The following TIPIN variants were observed in gnomAD, a reference collection of about 807,000 sequenced individuals.
TIPIN encodes the protein TIMELESS interacting protein, also known as TIMELESS-interacting protein.
TIPIN carries 29 observed loss-of-function variants against 35.6 expected under a neutral mutation model. That is an observed-to-expected ratio of 0.82 (90% CI 0.61 to 1.11). The LOEUF (loss-of-function observed/expected upper bound fraction) is 1.11. Among genes scored for constraint, TIPIN ranks in the 50% most tolerant of loss-of-function variants. The probability of loss-of-function intolerance (pLI) is 0.00; values close to 1 mark genes in which losing one functional copy is unlikely to be tolerated. For synonymous variants in TIPIN, 102 were observed against 121.5 expected (o/e 0.84, Z 1.06); for missense variants, 296 against 345.4 (o/e 0.86, Z 1.13).
In TIPIN at chr15:66,341,168, T is replaced by A; in HGVS notation, c.664A>T (p.Ser222Cys). ...AATTTACCATTTCCTAGGGTCTGAC[T>A]ATTACTCAGCAGCTTTGCCTGCCTT... ...ERRQAKLLSN[S>C]QTLGNDMLMN... The change falls in exon 7 of 8, where the codon AGT becomes TGT. Residue 222 changes from serine to cysteine, a missense_variant. Coordinates refer to ENST00000261881, the MANE Select transcript of TIPIN (RefSeq NM_017858.3). 6.2e-7 allele frequency: 1 copy of A among 1,611,878 alleles called. No homozygotes were observed. The highest frequency in any genetic ancestry group is 1.1e-5 in the South Asian group (1 of 90,988).
chr15:66,379,419 G>A (rs1489863854), intron 1 of TIPIN: 5 of 1,602,838 alleles, frequency 3.1e-6, no homozygotes, highest in Non-Finnish European at 4.2e-6. Flanking sequence ...GTTTTAAACT[G>A]TTGTGGCTTG....
chr15:66,379,254 T>G, intron 1 of TIPIN: 1 of 1,477,294 alleles, frequency 6.8e-7, no homozygotes, highest in Non-Finnish European at 8.9e-7. Context: ...TCAACAGGTC[T>G]TTTATTACAT....
chr15:66,340,478 AT>A lies in TIPIN; in HGVS notation c.682+671del, dbSNP rs62627326. On this transcript the variant is annotated intron_variant, in intron 7 of 7. Coordinates refer to ENST00000261881, the MANE Select transcript of TIPIN (RefSeq NM_017858.3). The stretch of plus-strand genomic sequence containing the variant: ...AGGCATGAGCCACTGCACCTGGCCT[AT>A]TTTTTTCTTTATTTATTGTTATAAT... Among the ~76,000 whole-genome samples, 636 of 150,946 alleles carry A rather than the reference AT, an allele frequency of 4.2e-3. 6 individuals carry two copies. Among genetic ancestry groups the A allele is most frequent in the African/African-American group, 0.015 (606 of 41,156 alleles).
chr15:66,374,348 T>TTTTTTTTTTTTTTTTTTTTTTG (rs2093288244), intron 1 of TIPIN, among the ~76,000 whole-genome samples: 1 of 151,446 alleles, frequency 6.6e-6, no homozygotes, highest in African/African-American at 2.5e-5. Context: ...TTCATATATT[T>TTTTTTTTTTTTTTTTTTTTTTG]ATCGACTATT....
At chr15:66,368,400 C>T (rs1007713737) in intron 1 of TIPIN, among the ~76,000 whole-genome samples, 2 of 151,428 alleles carry the variant, frequency 1.3e-5, no homozygotes, top group Non-Finnish European at 1.5e-5. Context: ...CACCTGTAGT[C>T]CCAGCTGCTT....
At chr15:66,337,728 C>T (rs1377601768) in intron 7 of TIPIN, among the ~76,000 whole-genome samples, 4 of 150,502 alleles carry the variant, frequency 2.7e-5, no homozygotes, top group African/African-American at 9.8e-5. Flanking sequence ...TCAGGACCAG[C>T]CTGGGCCACA....
chr15:66,368,651 C>A (rs2093266894), intron 1 of TIPIN, among the ~76,000 whole-genome samples: 1 of 151,970 alleles, frequency 6.6e-6, no homozygotes, highest in East Asian at 1.9e-4. Flanking sequence ...TATGATATAT[C>A]CAAATATATT....
chr15:66,345,306 A>C lies in TIPIN; in HGVS notation c.475+3754T>G, dbSNP rs1296179948. Among the ~76,000 whole-genome samples the C allele has an allele frequency of 2.6e-5, 4 of 152,148 alleles. No individual in the cohort carries two copies. In the East Asian group the frequency reaches 7.7e-4, roughly 29 times the overall value. On this transcript the variant is annotated intron_variant, in intron 6 of 7. Transcript: ENST00000261881. ...CAAGGAACAGCTGGAGGCCAAGCAC[A>C]GTGGCTCACACCTGTAATCCCGGCA...
At chr15:66,377,635 T>A (rs2093302137) in intron 1 of TIPIN, among the ~76,000 whole-genome samples, 1 of 152,040 alleles carries the variant, frequency 6.6e-6, no homozygotes, top group East Asian at 1.9e-4. Context: ...AGTGTTGGGA[T>A]TACAGGCGTG....
intron 4 of TIPIN, 28 bp downstream of exon 4, chr15:66,351,497 A>G: frequency 6.5e-7 from 1 of 1,547,138 alleles, no homozygotes; most frequent in African/African-American, 1.4e-5. Flanking sequence ...TTAAAAAACA[A>G]AGGTCTAACA....
At chr15:66,369,666 T>C (rs1255270152) in intron 1 of TIPIN, among the ~76,000 whole-genome samples, 1 of 152,212 alleles carries the variant, frequency 6.6e-6, no homozygotes, top group Non-Finnish European at 1.5e-5. Flanking sequence ...TCTTAAAATA[T>C]ACACGAACTC....
chr15:66,337,388 C>T (rs1286450152), intron 7 of TIPIN, among the ~76,000 whole-genome samples: 1 of 149,988 alleles, frequency 6.7e-6, no homozygotes, highest in Admixed American at 6.7e-5. Flanking sequence ...TGCAATCGCA[C>T]GATCTGGGCT....
At chr15:66,376,616 G>C (rs2093297869) in intron 1 of TIPIN, among the ~76,000 whole-genome samples, 1 of 151,348 alleles carries the variant, frequency 6.6e-6, no homozygotes, top group Non-Finnish European at 1.5e-5. Flanking sequence ...TTTTAGTAGA[G>C]ATGAGGTTTC....
At chr15:66,356,721 G>A (rs1486043350), upstream of TIPIN, 2 of 985,342 alleles carry the variant, frequency 2.0e-6, no homozygotes, top group Non-Finnish European at 2.4e-6. Flanking sequence ...AACTCCTGGG[G>A]CGAGAAGGGC....
intron 6 of TIPIN, 58 bp downstream of exon 6, chr15:66,349,002 G>A (rs980293037): frequency 1.4e-6 from 2 of 1,386,404 alleles, no homozygotes; most frequent in African/African-American, 2.8e-5. Flanking sequence ...ACCACACCCT[G>A]CCTAGATCTA....
intron 1 of TIPIN, chr15:66,379,897 T>TA: frequency 6.4e-7 from 1 of 1,560,882 alleles, no homozygotes; most frequent in Non-Finnish European, 8.7e-7. Flanking sequence ...ACAGTCTGAT[T>TA]AATGAGAATG....
intron 1 of TIPIN, among the ~76,000 whole-genome samples, chr15:66,381,026 T>C (rs139721172): frequency 0.11 from 16,109 of 152,258 alleles, 1,079 homozygotes; most frequent in Non-Finnish European, 0.15. Context: ...ATGTTGATCA[T>C]TCTTCTGTAT....
chr15:66,375,973 C>T (rs1044135903), intron 1 of TIPIN, among the ~76,000 whole-genome samples: 4 of 151,990 alleles, frequency 2.6e-5, no homozygotes, highest in African/African-American at 4.8e-5. Flanking sequence ...CGGCGGCGCA[C>T]GCCTGTAGTC....
chr15:66,343,854 C>T (rs963711042), intron 6 of TIPIN, among the ~76,000 whole-genome samples: 27 of 152,012 alleles, frequency 1.8e-4, no homozygotes, highest in African/African-American at 5.6e-4. Flanking sequence ...CAAAATTAGT[C>T]GGGCATGGTG....
Sources: gnomAD v4.1 joint callset for allele counts (sites outside exome capture counted in the v4.1 genomes callset) on GRCh38, gnomAD v4.1.1 for gene constraint, MANE v1.5 for transcripts, NCBI Gene and HGNC (gene_info 2026-07-23, HGNC 2026-07-21) for gene names.